Variants in CLPB observed in about 807,000 individuals in gnomAD.
The protein encoded by CLPB is ClpB family mitochondrial disaggregase.
CLPB carries 40 observed loss-of-function variants against 78.4 expected under a neutral mutation model. That is an observed-to-expected ratio of 0.51 (90% confidence interval 0.40 to 0.66). The LOEUF (loss-of-function observed/expected upper bound fraction) is 0.66, where lower values mean the gene tolerates loss of function less well. Ranked by LOEUF, CLPB falls within the 30% of genes least tolerant of loss-of-function variation. The pLI is 0.00. For synonymous variants in CLPB, 333 were observed against 348.0 expected (o/e 0.96, Z 0.48); for missense variants, 780 against 886.9 (o/e 0.88, Z 1.53).
intron 5 of CLPB, among the ~76,000 whole-genome samples, chr11:72,357,588 C>T (rs958716111): frequency 6.8e-6 from 1 of 148,102 alleles, no homozygotes; most frequent in Non-Finnish European, 1.5e-5. Context: ...CCCAGCTACT[C>T]GGGAGGCTGA....
intron 11 of CLPB, among the ~76,000 whole-genome samples, chr11:72,299,538 T>C (rs971182424): frequency 6.6e-6 from 1 of 152,012 alleles, no homozygotes; most frequent in Non-Finnish European, 1.5e-5. Context: ...TCATGCCCTG[T>C]ACTTTTATAC....
At chr11:72,433,033 G>A (rs901109367) in intron 1 of CLPB, among the ~76,000 whole-genome samples, 3 of 152,174 alleles carry the variant, frequency 2.0e-5, no homozygotes, top group East Asian at 3.9e-4. Flanking sequence ...TTAGCTCCCC[G>A]GATCCAAATG....
In CLPB at chr11:72,286,234, T is replaced by TTTTTTTTTTTTTTTTG. The variant is rs1565413682; in HGVS notation, c.*7132_*7133insCAAAAAAAAAAAAAAA. 1.3e-4 allele frequency: 17 copies of TTTTTTTTTTTTTTTTG among 128,934 alleles called. No homozygotes were observed. The highest frequency in any genetic ancestry group is 4.4e-4 in the Admixed American group (6 of 13,640). The allele number at this position is 128,934 out of a possible 1,614,324, so 8.0% of individuals were successfully genotyped here. On this transcript the variant is annotated 3_prime_UTR_variant, in exon 16 of 16. Transcript: ENST00000538039. The stretch of plus-strand genomic sequence containing the variant: ...GAGATACTGCACCTGTTTTTTTTTT[T>TTTTTTTTTTTTTTTTG]TTTTTTTTTTTTAAGAGATAGGGTG...
chr11:72,402,284 C>T (rs891051883), intron 3 of CLPB, among the ~76,000 whole-genome samples: 1 of 152,116 alleles, frequency 6.6e-6, no homozygotes, highest in Non-Finnish European at 1.5e-5. Context: ...AACCCAAAAA[C>T]ACAGACCTTT....
intron 2 of CLPB, among the ~76,000 whole-genome samples, chr11:72,412,481 G>C (rs1332917139): frequency 6.6e-6 from 1 of 152,210 alleles, no homozygotes; most frequent in African/African-American, 2.4e-5. Context: ...CTTAAAGAAT[G>C]ATCTGCAGAG....
chr11:72,303,281 C>T (rs140271209), intron 9 of CLPB, among the ~76,000 whole-genome samples: 43 of 152,284 alleles, frequency 2.8e-4, no homozygotes, highest in South Asian at 2.3e-3. Flanking sequence ...TCCTGAGAGC[C>T]GGTGATGATG....
chr11:72,340,113 G>C (rs771182119), intron 5 of CLPB, among the ~76,000 whole-genome samples: 9 of 152,152 alleles, frequency 5.9e-5, no homozygotes, highest in Non-Finnish European at 1.2e-4. Flanking sequence ...CCCACCCTAT[G>C]GGGACTGCTT....
At chr11:72,422,360 G>A (rs114868754) in intron 2 of CLPB, among the ~76,000 whole-genome samples, 10 of 152,052 alleles carry the variant, frequency 6.6e-5, no homozygotes, top group African/African-American at 2.4e-4. Context: ...AAGACTTAGG[G>A]TAGGTCAGTG....
At chr11:72,298,373 C>G (rs946292071) in intron 11 of CLPB, among the ~76,000 whole-genome samples, 1 of 152,210 alleles carries the variant, frequency 6.6e-6, no homozygotes, top group African/African-American at 2.4e-5. Context: ...GACTGAACTA[C>G]TTTTTAGCTG....
chr11:72,377,850 T>C (rs1013574592), intron 4 of CLPB, among the ~76,000 whole-genome samples: 2 of 152,256 alleles, frequency 1.3e-5, no homozygotes, highest in African/African-American at 4.8e-5. Flanking sequence ...TAACATTTTA[T>C]TGAAACATAT....
Position 72,372,912 on chromosome 11 carries a change from G to A in CLPB, c.646+7369C>T, listed in dbSNP as rs945679547. On this transcript the variant is annotated intron_variant, in intron 4 of 15. Coordinates refer to ENST00000538039, the MANE Select transcript of CLPB (RefSeq NM_001258392.3). ...GGGAGGGGGAGAAATATTATACAGA[G>A]CAGTTCCATTACCGCCAGCGGGGAG... The A allele has an allele frequency of 5.6e-6, 9 of 1,607,540 alleles. No homozygotes were observed. In the African/African-American group the frequency reaches 6.7e-5, roughly 12 times the overall value.
rs1309066068 is a variant in CLPB at position 72,380,270 on chromosome 11, C to T, written c.646+11G>A. ...GAGAGCTCTCAGAGAAGCAGGACAG[C>T]CCACACTTACCTTCCAAAGAATGGA... On this transcript the variant is annotated intron_variant, in intron 4 of 15. Coordinates refer to ENST00000538039, the MANE Select transcript of CLPB (RefSeq NM_001258392.3). 1.9e-6 allele frequency: 3 copies of T among 1,599,144 alleles called. No individual in the cohort carries two copies. The highest frequency in any genetic ancestry group is 3.3e-5 in the Admixed American group (2 of 60,006).
chr11:72,302,062 T>C, intron 10 of CLPB, 98 bp from the exon 11 acceptor site: 1 of 1,384,118 alleles, frequency 7.2e-7, no homozygotes, highest in Non-Finnish European at 1.0e-6. Flanking sequence ...GCTATTAAGG[T>C]TGCCTCTCTC....
intron 3 of CLPB, among the ~76,000 whole-genome samples, chr11:72,398,427 T>G (rs1186907608): frequency 7.2e-5 from 11 of 152,214 alleles, no homozygotes; most frequent in Admixed American, 7.2e-4. Flanking sequence ...GTTTTAATCC[T>G]GTGTTTTCCC....
At chr11:72,432,561 ATTT>A (rs1856577091) in intron 1 of CLPB, among the ~76,000 whole-genome samples, 1 of 152,170 alleles carries the variant, frequency 6.6e-6, no homozygotes, top group Non-Finnish European at 1.5e-5. Context: ...CCCTTGACTG[ATTT>A]TGTGTTAAGT....
intron 5 of CLPB, among the ~76,000 whole-genome samples, chr11:72,348,531 CTT>C (rs1036654344): frequency 3.3e-5 from 5 of 152,280 alleles, no homozygotes; most frequent in African/African-American, 9.6e-5. Flanking sequence ...CCTTCTCTCT[CTT>C]TGTTTGAATT....
intron 4 of CLPB, among the ~76,000 whole-genome samples, chr11:72,379,575 A>G (rs1352075773): frequency 6.6e-6 from 1 of 152,102 alleles, no homozygotes; most frequent in African/African-American, 2.4e-5. Context: ...TGGACATTCA[A>G]TCCCCAAGAC....
At chr11:72,402,869 A>T (rs575724503) in intron 3 of CLPB, 97 bp downstream of exon 3, 1 of 943,322 alleles carries the variant, frequency 1.1e-6, no homozygotes, top group Non-Finnish European at 1.7e-6. Context: ...TGCCTCTGGA[A>T]AAGACAGCAG....
At chr11:72,404,955 A>G (rs1189022904) in intron 2 of CLPB, among the ~76,000 whole-genome samples, 3 of 152,214 alleles carry the variant, frequency 2.0e-5, no homozygotes, top group Admixed American at 1.3e-4. Flanking sequence ...AACCCTGTCT[A>G]ATTTACAAAA....
Sources: gnomAD v4.1 joint callset for allele counts (sites outside exome capture counted in the v4.1 genomes callset) on GRCh38, gnomAD v4.1.1 for gene constraint, MANE v1.5 for transcripts, NCBI Gene and HGNC (gene_info 2026-07-23, HGNC 2026-07-21) for gene names.